The following SHROOM3 variants were observed in gnomAD, a reference collection of about 807,000 sequenced individuals.
The protein encoded by SHROOM3 is protein Shroom3.
Under a neutral mutation model 138.6 loss-of-function variants are expected in SHROOM3, and 47 were observed. The ratio of observed to expected loss-of-function variants is 0.34; its 90% confidence interval spans 0.27 to 0.43. SHROOM3 has a LOEUF of 0.43. Ranked by LOEUF, SHROOM3 falls within the 20% of genes least tolerant of loss-of-function variation. The pLI, the probability that SHROOM3 is intolerant of heterozygous loss-of-function variation, is 1.00. For missense variants in SHROOM3, 2,491 were observed against 2,596.5 expected, an observed-to-expected ratio of 0.96 and a Z score of 0.88; for synonymous variants, 1,062 against 1,063.3, an observed-to-expected ratio of 1.00 and a Z score of 0.02.
intron 5 of SHROOM3, among the ~76,000 whole-genome samples, chr4:76,746,878 G>A (rs1336883908): frequency 2.6e-5 from 4 of 151,016 alleles, no homozygotes; most frequent in East Asian, 1.9e-4. Flanking sequence ...GTGCACTGGC[G>A]CAATGTCGGC....
At chr4:76,735,833 C>CT (rs1446969843) in intron 4 of SHROOM3, among the ~76,000 whole-genome samples, 1 of 89,242 alleles carries the variant, frequency 1.1e-5, no homozygotes, top group Admixed American at 1.6e-4. Flanking sequence ...GACCGAGACT[C>CT]TATCTTAAAA....
intron 1 of SHROOM3, 43 bp downstream of exon 1, chr4:76,436,263 T>C: frequency 6.2e-7 from 1 of 1,609,652 alleles, no homozygotes. Flanking sequence ...AAATTGTTTT[T>C]TTCAACTTGT....
At chr4:76,526,275 G>A (rs760460610) in intron 1 of SHROOM3, among the ~76,000 whole-genome samples, 7 of 152,292 alleles carry the variant, frequency 4.6e-5, no homozygotes, top group Non-Finnish European at 8.8e-5. Context: ...GCTGAGGCAG[G>A]AGAATTGCTT....
chr4:76,655,311 C>T (rs1736041936), intron 2 of SHROOM3, among the ~76,000 whole-genome samples: 1 of 152,116 alleles, frequency 6.6e-6, no homozygotes, highest in Admixed American at 6.5e-5. Context: ...TCACCATGTT[C>T]TCTTTAGACA....
At chr4:76,546,731 T>G (rs544564682) in intron 1 of SHROOM3, among the ~76,000 whole-genome samples, 135 of 152,320 alleles carry the variant, frequency 8.9e-4, no homozygotes, top group African/African-American at 3.1e-3. Flanking sequence ...AGAGAGCATA[T>G]TTTTCCTCAA....
intron 10 of SHROOM3, among the ~76,000 whole-genome samples, chr4:76,777,669 G>T (rs1328970629): frequency 6.6e-6 from 1 of 152,122 alleles, no homozygotes; most frequent in Admixed American, 6.5e-5. Flanking sequence ...CCCTTGTCTT[G>T]TTCCAGTTCT....
chr4:76,537,472 G>C (rs1255802000), intron 1 of SHROOM3, among the ~76,000 whole-genome samples: 1 of 152,176 alleles, frequency 6.6e-6, no homozygotes, highest in Non-Finnish European at 1.5e-5. Flanking sequence ...CTGCTATGTT[G>C]AGAATATGTT....
intron 5 of SHROOM3, among the ~76,000 whole-genome samples, chr4:76,742,755 G>A (rs1434404214): frequency 2.6e-5 from 4 of 152,054 alleles, no homozygotes; most frequent in Admixed American, 6.6e-5. Context: ...TGTAGACCAG[G>A]GGCCTGCCTC....
intron 1 of SHROOM3, among the ~76,000 whole-genome samples, chr4:76,494,157 TG>T (rs2109995296): frequency 9.7e-6 from 1 of 103,340 alleles, no homozygotes; most frequent in Non-Finnish European, 2.1e-5. Flanking sequence ...TGCCCCAGAT[TG>T]ATTTTTTTTT....
chr4:76,451,820 T>C (rs28725433), intron 1 of SHROOM3, among the ~76,000 whole-genome samples: 325 of 152,288 alleles, frequency 2.1e-3, no homozygotes, highest in African/African-American at 7.6e-3. Flanking sequence ...TAGTATAGGA[T>C]GAAAGAAGAA....
At chr4:76,760,929 A>AT (rs1256664316) in intron 9 of SHROOM3, among the ~76,000 whole-genome samples, 1 of 151,978 alleles carries the variant, frequency 6.6e-6, no homozygotes, top group Admixed American at 6.6e-5. Flanking sequence ...GTTTTACACA[A>AT]TTTTTTTGTT....
intron 2 of SHROOM3, among the ~76,000 whole-genome samples, chr4:76,670,168 G>A (rs1718835428): frequency 6.6e-6 from 1 of 152,166 alleles, no homozygotes; most frequent in Non-Finnish European, 1.5e-5. Flanking sequence ...ATTCATCATA[G>A]ACCAAATGTG....
intron 1 of SHROOM3, among the ~76,000 whole-genome samples, chr4:76,541,105 G>A (rs1368802753): frequency 2.6e-5 from 4 of 151,970 alleles, no homozygotes; most frequent in Non-Finnish European, 4.4e-5. Context: ...TTTGTAAAAC[G>A]TTTTACATAT....
chr4:76,690,332 TA>T (rs1719487618), intron 2 of SHROOM3, among the ~76,000 whole-genome samples: 1 of 152,198 alleles, frequency 6.6e-6, no homozygotes, highest in Non-Finnish European at 1.5e-5. Flanking sequence ...GGGTGGGATG[TA>T]TTTCTCTTCC....
At chr4:76,442,990 T>C (rs1197502396) in intron 1 of SHROOM3, among the ~76,000 whole-genome samples, 3 of 152,222 alleles carry the variant, frequency 2.0e-5, no homozygotes, top group Admixed American at 6.5e-5. Context: ...TAGAAAAACC[T>C]GTTTAAAAAC....
chr4:76,633,587 G>T lies in SHROOM3; in HGVS notation c.324-76569G>T, dbSNP rs138351632. Among the ~76,000 whole-genome samples, 354 of 149,918 alleles carry T rather than the reference G, an allele frequency of 2.4e-3. 4 individuals are homozygous for T. Among genetic ancestry groups the T allele is most frequent in the African/African-American group, 8.2e-3 (336 of 40,824 alleles). On this transcript the variant is annotated intron_variant, in intron 2 of 10. Transcript: ENST00000296043. ...CAGCAGAATGGCGTGAACCCGGGAG[G>T]CGGAGCTTGCAGTGAGCCGAGATTG...
chr4:76,555,876 C>A, intron 2 of SHROOM3, 113 bp downstream of exon 2: 1 of 1,142,462 alleles, frequency 8.8e-7, no homozygotes, highest in Non-Finnish European at 1.3e-6. Flanking sequence ...TTTAAACCTC[C>A]ATGTATGGAT....
At chr4:76,594,444 A>T (rs928348406) in intron 2 of SHROOM3, among the ~76,000 whole-genome samples, 6 of 152,184 alleles carry the variant, frequency 3.9e-5, no homozygotes, top group African/African-American at 1.4e-4. Context: ...GGCCATAGAA[A>T]TGCCATCCTA....
intron 6 of SHROOM3, 91 bp downstream of exon 6, chr4:76,749,181 T>G: frequency 8.5e-7 from 1 of 1,177,706 alleles, no homozygotes; most frequent in East Asian, 2.4e-5. Context: ...TGAAATGTGA[T>G]GTCATATAGT....
Sources: gnomAD v4.1 joint callset for allele counts (sites outside exome capture counted in the v4.1 genomes callset) on GRCh38, gnomAD v4.1.1 for gene constraint, MANE v1.5 for transcripts, NCBI Gene and HGNC (gene_info 2026-07-23, HGNC 2026-07-21) for gene names.